Variants in PRPF8 observed in about 807,000 individuals in gnomAD.
PRPF8 encodes pre-mRNA-processing-splicing factor 8.
PRPF8 carries 64 observed loss-of-function variants against 285.9 expected under a neutral mutation model. That is an observed-to-expected ratio of 0.22 (90% confidence interval 0.18 to 0.28). The LOEUF is 0.28. Ranked by LOEUF, PRPF8 falls within the 10% of genes least tolerant of loss-of-function variation. PRPF8 has a pLI of 1.00. For missense variants in PRPF8, 1,426 were observed against 3,026.7 expected, an observed-to-expected ratio of 0.47 and a Z score of 12.41; for synonymous variants, 1,325 against 1,118.2, an observed-to-expected ratio of 1.18 and a Z score of -3.69.
At chr17:1,663,209 C>T (rs943319145) in intron 24 of PRPF8, among the ~76,000 whole-genome samples, 2 of 151,594 alleles carry the variant, frequency 1.3e-5, no homozygotes, top group East Asian at 1.9e-4. Context: ...AAGAAAAAAA[C>T]CATGTAGCCA....
chr17:1,682,361 G>A, intron 3 of PRPF8, 68 bp from the exon 4 acceptor site: 1 of 1,553,698 alleles, frequency 6.4e-7, no homozygotes. Context: ...CCCATGCAGA[G>A]AAGCCACATG....
chr17:1,678,280 A>G (rs1912718290), intron 13 of PRPF8, among the ~76,000 whole-genome samples: 5 of 151,866 alleles, frequency 3.3e-5, no homozygotes. Context: ...GTGCCATTGT[A>G]CTCCAGCTGG....
Position 1,661,037 on chromosome 17 carries a change from T to A in PRPF8, c.4464A>T (p.Thr1488=), listed in dbSNP as rs11559308. Residue 1488 remains threonine, a synonymous_variant, in exon 28 of 43, where the codon ACA becomes ACT. Transcript: ENST00000304992. The surrounding 1 kb of genome is among the most constrained non-coding windows in gnomAD (Gnocchi z 7.3). The stretch of plus-strand genomic sequence containing the variant: ...TAGGGAAGTAAGTGCCCTTAAAGAG[T>A]GTGTGTTCCAGAATGCCTTCCACAC... The part of the protein sequence containing the change: ...LGGVEGILEH[T]LFKGTYFPTW... The A allele has an allele frequency of 4.5e-4, 731 of 1,613,718 alleles. No individual in the cohort carries two copies. The highest frequency in any genetic ancestry group is 5.8e-4 in the Non-Finnish European group (687 of 1,179,926).
At position 1,684,788 on chromosome 17, in the gene PRPF8, C is replaced by T. The variant is rs991679322; in HGVS notation, c.-20G>A. The T allele has an allele frequency of 3.3e-6, 2 of 606,140 alleles. No individual in the cohort carries two copies. The highest frequency in any genetic ancestry group is 5.9e-6 in the Non-Finnish European group (2 of 339,224). 37.5% of individuals were successfully genotyped at this position (606,140 alleles called of 1,614,324 possible). A position where few individuals can be genotyped will look rare whatever the true frequency, so the allele number is the denominator to read the frequency against. ...AAACGCCTGCCACGCACCCCACAGG[C>T]CCTCACACAAGAGGCCGCTTTCCCC... On this transcript the variant is annotated 5_prime_UTR_variant, in exon 1 of 43. Transcript: ENST00000304992.
chr17:1,678,565 G>A lies in PRPF8; in HGVS notation c.1807C>T (p.Arg603Cys), dbSNP rs936314931. 1.9e-6 allele frequency: 3 copies of A among 1,614,216 alleles called. No homozygotes were observed. The highest frequency in any genetic ancestry group is 2.5e-6 in the Non-Finnish European group (3 of 1,180,036). ...AGATGCTTCAGGTCCTTGCACATGC[G>A]AATCTGTCGCATCAGCTTGTATTTG... Reference protein sequence around the residue: ...RYKYKLMRQIRMCKDLKHLIY... With the variant: ...RYKYKLMRQICMCKDLKHLIY... The change falls in exon 13 of 43, where the codon CGC becomes TGC. Residue 603 changes from arginine (R) to cysteine (C), a missense_variant. Physicochemically the swap from Arg to Cys is radical, Grantham distance 180. Around this residue, in one of 34 missense-constraint regions of PRPF8, gnomAD observed 69 missense variants for 134.7 expected, o/e 0.51. Transcript: ENST00000304992.
Position 1,675,409 on chromosome 17 carries a change from T to C in PRPF8, c.2873-70A>G, listed in dbSNP as rs558666806. ...TGCAAGACTAGCCCCACAGGAACTA[T>C]CATTACCTTCCATAACCAATCCCAC... On this transcript the variant is annotated intron_variant, in intron 19 of 42. Coordinates refer to ENST00000304992, the MANE Select transcript of PRPF8 (RefSeq NM_006445.4). This position sits in a 1 kb window ranked among gnomAD's most constrained non-coding sequence, Gnocchi z 6.0. The C allele has an allele frequency of 1.6e-5, 25 of 1,559,926 alleles. No homozygotes were observed. The South Asian group carries it at 2.6e-4, about 16-fold the overall frequency.
In PRPF8 at chr17:1,659,053, TCTCA is replaced by T; in HGVS notation, c.5139-294_5139-291del. ...ATTATTATTTTTCTTTGAGATGGAG[TCTCA>T]CTCTGTCGCCCAGGCTGGAGTGCAG... On this transcript the variant is annotated intron_variant, in intron 32 of 42. Coordinates refer to ENST00000304992, the MANE Select transcript of PRPF8 (RefSeq NM_006445.4). This position sits in a 1 kb window ranked among gnomAD's most constrained non-coding sequence, Gnocchi z 5.1. The T allele has an allele frequency of 1.9e-6, 1 of 537,456 alleles. No individual in the cohort carries two copies. The highest frequency in any genetic ancestry group is 3.3e-5 in the East Asian group (1 of 30,314). The allele number at this position is 537,456 out of a possible 1,614,324, so 33.3% of individuals were successfully genotyped here. A position where few individuals can be genotyped will look rare whatever the true frequency, so the allele number is the denominator to read the frequency against.
Position 1,683,553 on chromosome 17 carries a change from A to G in PRPF8, c.249T>C (p.His83=), listed in dbSNP as rs371947480. 19 of 1,614,080 alleles carry G rather than the reference A, an allele frequency of 1.2e-5. No individual in the cohort carries two copies. The African/African-American group carries it at 2.4e-4, about 20-fold the overall frequency. The change falls in exon 3 of 43, where the codon CAT becomes CAC. Residue 83 remains histidine (H), a synonymous_variant. Transcript: ENST00000304992. ...HGDMTNRKFR[H]DKRVYLGALK... is the part of the protein sequence containing the mutation. ...CTTACCCCAAGTAAACCCTTTTGTCATGGCGGAACTTCCTGTTGGTCATGT... is the reference window on the plus strand; with the variant it reads ...CTTACCCCAAGTAAACCCTTTTGTCGTGGCGGAACTTCCTGTTGGTCATGT...
In PRPF8 at chr17:1,675,815, G is replaced by A; in HGVS notation, c.2680-3C>T. 2 of 1,614,176 alleles carry A rather than the reference G, an allele frequency of 1.2e-6. No homozygotes were observed. Among genetic ancestry groups the A allele is most frequent in the Non-Finnish European group, 8.5e-7 (1 of 1,180,036 alleles). On this transcript the variant is annotated splice_polypyrimidine_tract_variant and splice_region_variant and intron_variant, in intron 18 of 42. Transcript: ENST00000304992. This position sits in a 1 kb window ranked among gnomAD's most constrained non-coding sequence, Gnocchi z 6.0. ...AGATCCATGAACTCAATGCCCACCT[G>A]TGGGACAAGGAGGCTGGTTCACACC...
rs766116120 is a variant in PRPF8, at chr17:1,651,121, G to A, written c.6840C>T (p.Asn2280=). The A allele has an allele frequency of 5.6e-6, 9 of 1,614,136 alleles. No individual in the cohort carries two copies. In the South Asian group the frequency reaches 9.9e-5, roughly 18 times the overall value. ...FFMVPAQSSW[N]YNFMGVRHDP... ...CCTCCCACTTACCCATGAAGTTGTA[G>A]TTCCACGAGGACTGGGCAGGGACCA... The change falls in exon 42 of 43, where the codon AAC becomes AAT. Residue 2280 remains asparagine (N), a synonymous_variant. Transcript: ENST00000304992. This position sits in a 1 kb window ranked among gnomAD's most constrained non-coding sequence, Gnocchi z 5.1.
Position 1,653,609 on chromosome 17 carries a change from C to A in PRPF8, c.6302G>T (p.Gly2101Val). 6.2e-7 allele frequency: 1 copy of A among 1,614,132 alleles called. No individual in the cohort carries two copies. The highest frequency in any genetic ancestry group is 8.5e-7 in the Non-Finnish European group (1 of 1,180,014). The change falls in exon 39 of 43, where the codon GGC becomes GTC. Residue 2101 changes from glycine (G) to valine (V), a missense_variant. Physicochemically the swap from Gly to Val is moderately radical, Grantham distance 109. Transcript: ENST00000304992. The surrounding 1 kb of genome is among the most constrained non-coding windows in gnomAD (Gnocchi z 4.9). The part of the protein sequence containing the change: ...YVSSDDIKET[G>V]YTYILPKNVL... ...ATTCTTGGGAAGGATGTAGGTGTAG[C>A]CAGTCTCCTTGATGTCGTCAGATGA...
At chr17:1,672,770 A>C (rs1912396281) in intron 24 of PRPF8, among the ~76,000 whole-genome samples, 1 of 152,192 alleles carries the variant, frequency 6.6e-6, no homozygotes, top group African/African-American at 2.4e-5. Flanking sequence ...CATGACTTAG[A>C]TAAGCACCTG....
At chr17:1,678,414 C>A in intron 13 of PRPF8, 104 bp downstream of exon 13, 1 of 1,430,022 alleles carries the variant, frequency 7.0e-7, no homozygotes, top group Non-Finnish European at 9.8e-7. Flanking sequence ...ACTCAGGAGG[C>A]GGAGGTTGCA....
intron 36 of PRPF8, among the ~76,000 whole-genome samples, 189 bp downstream of exon 36, chr17:1,656,203 G>A (rs1422848569): frequency 5.9e-5 from 9 of 151,576 alleles, no homozygotes; most frequent in Admixed American, 3.9e-4. Context: ...GATTACGGGC[G>A]TGAGCCACCA....
At chr17:1,672,263 AGTAAG>A (rs1912365223) in intron 24 of PRPF8, among the ~76,000 whole-genome samples, 1 of 152,192 alleles carries the variant, frequency 6.6e-6, no homozygotes, top group South Asian at 2.1e-4. Flanking sequence ...TGGAAACCAG[AGTAAG>A]GTAACTTTTT....
Position 1,676,066 on chromosome 17 carries a change from A to C in PRPF8, c.2553-12T>G. 1 of 1,612,868 alleles carries C rather than the reference A, an allele frequency of 6.2e-7. No homozygotes were observed. On this transcript the variant is annotated splice_polypyrimidine_tract_variant and intron_variant, in intron 17 of 42. Transcript: ENST00000304992. The surrounding 1 kb of genome is among the most constrained non-coding windows in gnomAD (Gnocchi z 6.3). ...ACCGAGACTTCACACTGACAAAAGC[A>C]ATGGGAAGGGTGAATGGGAAAACTA...
At chr17:1,668,080 C>T (rs1020215355) in intron 24 of PRPF8, among the ~76,000 whole-genome samples, 2 of 152,254 alleles carry the variant, frequency 1.3e-5, no homozygotes, top group African/African-American at 2.4e-5. Flanking sequence ...CCCTATTTTA[C>T]AGATGAGGGA....
chr17:1,667,302 G>A (rs1185702928), intron 24 of PRPF8, among the ~76,000 whole-genome samples: 2 of 152,188 alleles, frequency 1.3e-5, no homozygotes, highest in East Asian at 1.9e-4. Context: ...ATGGAACACA[G>A]TATTTCTGTT....
intron 37 of PRPF8, 40 bp downstream of exon 37, chr17:1,655,308 GTA>G (rs1418856811): frequency 1.2e-6 from 2 of 1,608,134 alleles, no homozygotes; most frequent in Non-Finnish European, 1.7e-6. Flanking sequence ...CCAGAAAACC[GTA>G]TATAGACCTC....
Sources: allele counts gnomAD v4.1 joint callset (sites outside exome capture counted in the v4.1 genomes callset), GRCh38; gene constraint gnomAD v4.1.1; regional missense constraint gnomAD v4.1.1; non-coding constraint Gnocchi (gnomAD v3.1); transcripts MANE v1.5; gene names NCBI Gene and HGNC (gene_info 2026-07-23, HGNC 2026-07-21).